ASH1L: variants seen among roughly 807,000 people sequenced by gnomAD.
The protein encoded by ASH1L is ASH1 like histone lysine methyltransferase, also known as histone-lysine N-methyltransferase ASH1L.
Under a neutral mutation model 269.0 loss-of-function variants are expected in ASH1L, and 23 were observed. The observed-to-expected ratio is 0.09, with a 90% CI of 0.06 to 0.12. The LOEUF (loss-of-function observed/expected upper bound fraction) is 0.12. ASH1L is among the 10% of genes least tolerant of loss of function. ASH1L has a pLI of 1.00. For synonymous variants in ASH1L, 1,187 were observed against 1,253.5 expected, an observed-to-expected ratio of 0.95 and a Z score of 1.12; for missense variants, 2,912 against 3,567.8, an observed-to-expected ratio of 0.82 and a Z score of 4.68.
chr1:155,377,095 T>C (rs889716045), intron 10 of ASH1L, among the ~76,000 whole-genome samples: 1 of 151,670 alleles, frequency 6.6e-6, no homozygotes, highest in Admixed American at 6.6e-5. Flanking sequence ...TTAGTAGAGA[T>C]GGGGTTTCTC....
In ASH1L at chr1:155,347,724, C is replaced by T. The variant is rs751151758; in HGVS notation, c.7735G>A (p.Asp2579Asn). 4 of 1,614,196 alleles carry T rather than the reference C, an allele frequency of 2.5e-6. No homozygotes were observed. The highest frequency in any genetic ancestry group is 1.7e-5 in the Admixed American group (1 of 60,030). The stretch of plus-strand genomic sequence containing the variant: ...AGGCCACAGATACAGCGAATAACAT[C>T]GTCGTCCTTCTCATGCCCATTCTCC... ...EKENGHEKDD[D>N]VIRCICGLYK... Residue 2579 changes from aspartate (D) to asparagine (N), a missense_variant, in exon 20 of 28, where the codon GAT (aspartate) becomes AAT (asparagine). Coordinates refer to ENST00000392403, the MANE Select transcript of ASH1L (RefSeq NM_018489.3).
intron 17 of ASH1L, 48 bp downstream of exon 17, chr1:155,352,653 AAAAAG>A (rs1289483617): frequency 1.7e-5 from 26 of 1,517,050 alleles, no homozygotes; most frequent in South Asian, 2.6e-5. Flanking sequence ...TATTTAAAAA[AAAAAG>A]AAAAAGAAAA....
rs1658268628 is a variant in ASH1L at position 155,395,513 on chromosome 1, C to G, written c.6049G>C (p.Glu2017Gln). 1 of 1,611,664 alleles carries G rather than the reference C, an allele frequency of 6.2e-7. No homozygotes were observed. ...RLIQLKKEKL[E>Q]YTPGEHEYGL... ...TATTCATGCTCTCCTGGAGTATACTCCAGCTTCTCTTTCTTTAATTGGATC... is the reference window on the plus strand; with the variant it reads ...TATTCATGCTCTCCTGGAGTATACTGCAGCTTCTCTTTCTTTAATTGGATC... The change falls in exon 7 of 28, where the codon GAG becomes CAG. Residue 2017 changes from glutamate to glutamine, a missense_variant. Physicochemically the swap from Glu to Gln is conservative, Grantham distance 29 (BLOSUM62 2). Transcript: ENST00000392403.
chr1:155,388,234 T>C (rs1657601872), intron 7 of ASH1L, among the ~76,000 whole-genome samples: 1 of 152,196 alleles, frequency 6.6e-6, no homozygotes, highest in Non-Finnish European at 1.5e-5. Flanking sequence ...ATTAAGACTA[T>C]GTCTTATATA....
chr1:155,443,938 C>A (rs1159295391), intron 4 of ASH1L, among the ~76,000 whole-genome samples: 2 of 146,646 alleles, frequency 1.4e-5, no homozygotes, highest in Non-Finnish European at 3.0e-5. Flanking sequence ...AACATATTTT[C>A]ATTTCTCTTG....
chr1:155,551,991 T>A (rs1671251575), intron 1 of ASH1L, among the ~76,000 whole-genome samples: 1 of 151,598 alleles, frequency 6.6e-6, no homozygotes, highest in African/African-American at 2.4e-5. Context: ...AGAAAAAGAA[T>A]CTTGCTTGAA....
intron 6 of ASH1L, among the ~76,000 whole-genome samples, chr1:155,407,181 C>G (rs1659367805): frequency 1.3e-5 from 2 of 152,138 alleles, no homozygotes; most frequent in South Asian, 4.2e-4. Flanking sequence ...CAAGATTGCG[C>G]CACTGCACTC....
At chr1:155,348,340 C>T (rs1653551290) in intron 19 of ASH1L, among the ~76,000 whole-genome samples, 1 of 151,992 alleles carries the variant, frequency 6.6e-6, no homozygotes, top group Non-Finnish European at 1.5e-5. Context: ...TGCTCTAACT[C>T]TTCTCCCGCT....
rs577499335 is a variant in ASH1L at position 155,406,301 on chromosome 1, T to C, written c.6008+9443A>G. 2.0e-5 allele frequency among the ~76,000 whole-genome samples: 3 copies of C among 151,114 alleles called. No homozygotes were observed. In the East Asian group the frequency reaches 5.8e-4, roughly 29 times the overall value. On this transcript the variant is annotated intron_variant, in intron 6 of 27. Coordinates refer to ENST00000392403, the MANE Select transcript of ASH1L (RefSeq NM_018489.3). ...TTTTTTGCAGAAATAGATAAGCTGA[T>C]CCTAAAAAATCACAGAGAAATGGCA...
At position 155,354,633 on chromosome 1, in the gene ASH1L, GC is replaced by G; in HGVS notation, c.7056-4del. 1 of 1,603,848 alleles carries G rather than the reference GC, an allele frequency of 6.2e-7. No homozygotes were observed. The highest frequency in any genetic ancestry group is 8.5e-7 in the Non-Finnish European group (1 of 1,177,396). ...CATGATGCTTTAACACAAAGTTCCT[GC>G]AAGGAAGGAAAAAAAATCTTCCTTT... On this transcript the variant is annotated splice_polypyrimidine_tract_variant and splice_region_variant and intron_variant, in intron 15 of 27. Transcript: ENST00000392403.
chr1:155,353,003 G>A (rs1654065186), intron 16 of ASH1L, 145 bp from the exon 17 acceptor site: 1 of 720,172 alleles, frequency 1.4e-6, no homozygotes, highest in Non-Finnish European at 2.2e-6. Context: ...TCTATCTTCT[G>A]TAATGAAAAA....
intron 1 of ASH1L, among the ~76,000 whole-genome samples, chr1:155,540,804 A>G (rs184814304): frequency 3.9e-5 from 6 of 152,216 alleles, no homozygotes; most frequent in East Asian, 3.9e-4. Flanking sequence ...AAAAAAGCAA[A>G]CACTCATACA....
intron 5 of ASH1L, chr1:155,433,650 G>C (rs1199790845): frequency 1.9e-6 from 3 of 1,605,164 alleles, no homozygotes; most frequent in South Asian, 1.1e-5. Context: ...AAGCAGAAGA[G>C]GATCACCCTG....
intron 25 of ASH1L, among the ~76,000 whole-genome samples, chr1:155,340,343 C>T (rs1272318260): frequency 6.6e-6 from 1 of 151,842 alleles, no homozygotes; most frequent in East Asian, 1.9e-4. Flanking sequence ...CCACCATGCC[C>T]GGCTAATTTT....
At chr1:155,513,715 A>G (rs1157704110) in intron 2 of ASH1L, among the ~76,000 whole-genome samples, 2 of 152,150 alleles carry the variant, frequency 1.3e-5, no homozygotes, top group Admixed American at 1.3e-4. Flanking sequence ...AGGGACTCAG[A>G]TATTTCTACA....
At chr1:155,440,303 G>C (rs1662452752) in intron 4 of ASH1L, among the ~76,000 whole-genome samples, 1 of 152,024 alleles carries the variant, frequency 6.6e-6, no homozygotes, top group African/African-American at 2.4e-5. Context: ...GCAAGACCCT[G>C]TCTCTAGAAA....
intron 4 of ASH1L, among the ~76,000 whole-genome samples, chr1:155,441,279 GTCTC>G (rs765940485): frequency 6.6e-6 from 1 of 151,616 alleles, no homozygotes; most frequent in Non-Finnish European, 1.5e-5. Context: ...GAAAAGGTCT[GTCTC>G]TCTCTCTATC....
intron 4 of ASH1L, among the ~76,000 whole-genome samples, chr1:155,457,598 C>T (rs893568060): frequency 2.0e-5 from 3 of 152,158 alleles, no homozygotes; most frequent in Non-Finnish European, 4.4e-5. Flanking sequence ...GCTTGAATTT[C>T]TCTGTGTCAT....
At chr1:155,561,198 T>C (rs1253672661) in intron 1 of ASH1L, among the ~76,000 whole-genome samples, 1 of 152,054 alleles carries the variant, frequency 6.6e-6, no homozygotes. Flanking sequence ...CTGAAAGAGC[T>C]TTCTTATTGT....
Sources: allele counts gnomAD v4.1 joint callset (sites outside exome capture counted in the v4.1 genomes callset), GRCh38; gene constraint gnomAD v4.1.1; transcripts MANE v1.5; gene names NCBI Gene and HGNC (gene_info 2026-07-23, HGNC 2026-07-21).